Variants in AP3B2 observed in about 807,000 individuals in gnomAD.
The protein encoded by AP3B2 is AP-3 complex subunit beta-2.
In AP3B2, 50 loss-of-function variants were observed where a neutral mutation model predicts 126.9. The observed-to-expected ratio is 0.39, with a 90% CI of 0.31 to 0.50. The LOEUF (loss-of-function observed/expected upper bound fraction) is 0.50. AP3B2 is among the 20% of genes least tolerant of loss of function. AP3B2 has a pLI of 0.79. For missense variants in AP3B2, 1,177 were observed against 1,426.4 expected (o/e 0.83, Z 2.82); for synonymous variants, 541 against 565.0 (o/e 0.96, Z 0.60).
Position 82,664,838 on chromosome 15 carries a change from T to C in AP3B2, c.2134A>G (p.Ser712Gly). ...CCCAGCTCTGCCATCTGCTCACCACTGTCTGCGGACTCCGTGGGGCCTGAC... is the reference window on the plus strand; with the variant it reads ...CCCAGCTCTGCCATCTGCTCACCACCGTCTGCGGACTCCGTGGGGCCTGAC... ...GESGPTESAD[S>G]DPESESESDS... Residue 712 changes from serine to glycine, a missense_variant, in exon 18 of 27, where the codon AGT (serine) becomes GGT (glycine). Around this residue, in one of 5 missense-constraint regions of AP3B2, gnomAD observed 587 missense variants for 571.3 expected, o/e 1.03. Coordinates refer to ENST00000535359, the MANE Select transcript of AP3B2 (RefSeq NM_001278512.2). The surrounding 1 kb of genome is among the most constrained non-coding windows in gnomAD (Gnocchi z 4.5). The C allele has an allele frequency of 6.3e-7, 1 of 1,589,510 alleles. No homozygotes were observed. The highest frequency in any genetic ancestry group is 8.6e-7 in the Non-Finnish European group (1 of 1,166,918).
chr15:82,691,178 T>A (rs1301940098), intron 1 of AP3B2, among the ~76,000 whole-genome samples: 1 of 152,204 alleles, frequency 6.6e-6, no homozygotes, highest in Non-Finnish European at 1.5e-5. Context: ...CCTTGAGGAA[T>A]CGCCACACTG....
Position 82,664,769 on chromosome 15 carries a change from T to C in AP3B2, c.2137+66A>G. 2 of 1,261,666 alleles carry C rather than the reference T, an allele frequency of 1.6e-6. No homozygotes were observed. The highest frequency in any genetic ancestry group is 4.0e-5 in the Admixed American group (2 of 49,570). 78.2% of individuals were successfully genotyped at this position (1,261,666 alleles called of 1,614,324 possible). A position where few individuals can be genotyped will look rare whatever the true frequency, so the allele number is the denominator to read the frequency against. Reference sequence around the variant, plus strand: ...ACACACAACCATATACATATACCCCTCATATAGTCAGTCACACAGATGCAT... The same window carrying C: ...ACACACAACCATATACATATACCCCCCATATAGTCAGTCACACAGATGCAT... On this transcript the variant is annotated intron_variant, in intron 18 of 26. Transcript: ENST00000535359. This position sits in a 1 kb window ranked among gnomAD's most constrained non-coding sequence, Gnocchi z 4.5.
chr15:82,689,348 C>G, intron 2 of AP3B2, 30 bp downstream of exon 2: 2 of 1,612,736 alleles, frequency 1.2e-6, no homozygotes, highest in Non-Finnish European at 1.7e-6. Flanking sequence ...AGGCCCCGCC[C>G]GGAGGGAGGC....
Position 82,661,805 on chromosome 15 carries a change from C to A in AP3B2, c.3016+20G>T, listed in dbSNP as rs978276769. On this transcript the variant is annotated intron_variant, in intron 25 of 26. Transcript: ENST00000535359. Reference sequence around the variant, plus strand: ...CAGCTTCTATACTTCCCTCTCTGCCCACTCCCAGGGAGCACTCACCCTGTT... The same window carrying A: ...CAGCTTCTATACTTCCCTCTCTGCCAACTCCCAGGGAGCACTCACCCTGTT... 1.9e-6 allele frequency: 3 copies of A among 1,594,462 alleles called. No homozygotes were observed. Among genetic ancestry groups the A allele is most frequent in the Admixed American group, 3.4e-5 (2 of 58,296 alleles).
chr15:82,689,070 G>C (rs933795874), intron 3 of AP3B2, 88 bp downstream of exon 3: 14 of 1,481,620 alleles, frequency 9.4e-6, no homozygotes, highest in East Asian at 2.3e-5. Flanking sequence ...GGGCCCCCAG[G>C]GGCTAAATCA....
chr15:82,693,303 A>G (rs2048577103), intron 1 of AP3B2, among the ~76,000 whole-genome samples: 1 of 150,458 alleles, frequency 6.6e-6, no homozygotes, highest in Admixed American at 6.7e-5. Context: ...CTGGAGTGCA[A>G]TGGCACGATC....
At chr15:82,693,016 A>C (rs1255103513) in intron 1 of AP3B2, among the ~76,000 whole-genome samples, 4 of 152,100 alleles carry the variant, frequency 2.6e-5, no homozygotes, top group Non-Finnish European at 4.4e-5. Flanking sequence ...TTTTGGGAAA[A>C]GAAGGAAACA....
intron 1 of AP3B2, among the ~76,000 whole-genome samples, chr15:82,693,664 A>G (rs886110033): frequency 6.6e-6 from 1 of 152,148 alleles, no homozygotes; most frequent in Admixed American, 6.5e-5. Context: ...TAAGGTCATA[A>G]AATTATTAGC....
rs746344194 is a variant in AP3B2, at chr15:82,663,918, T to G, written c.2319A>C (p.Lys773Asn). Residue 773 changes from lysine to asparagine, a missense_variant, in exon 20 of 27, where the codon AAA becomes AAC. Physicochemically the swap from Lys to Asn is moderately conservative, Grantham distance 94. Coordinates refer to ENST00000535359, the MANE Select transcript of AP3B2 (RefSeq NM_001278512.2). ...RKTKKKVPER[K>N]GEASSSDEGS... ...CCTCATCAGAGGATGACGCTTCTCC[T>G]TTTCTCTCTGGCACCTTCTTCTTTG... is the stretch of plus-strand genomic sequence containing the variant. 101 of 1,611,896 alleles carry G rather than the reference T, an allele frequency of 6.3e-5. No homozygotes were observed. The highest frequency in any genetic ancestry group is 8.4e-5 in the Non-Finnish European group (99 of 1,179,844).
At position 82,664,443 on chromosome 15, in the gene AP3B2, C is replaced by T. The variant is rs377674537; in HGVS notation, c.2185G>A (p.Gly729Ser). The T allele has an allele frequency of 4.7e-5, 76 of 1,613,800 alleles. No homozygotes were observed. Among genetic ancestry groups the T allele is most frequent in the Non-Finnish European group, 5.8e-5 (69 of 1,179,868 alleles). ...GACTCACTGCTGGACTCCCCAGAGCCGCTCTCACTGCTGCTCTTACTGTCC... is the reference window on the plus strand; with the variant it reads ...GACTCACTGCTGGACTCCCCAGAGCTGCTCTCACTGCTGCTCTTACTGTCC... ...ESDSKSSSESGSGESSSESDN... is the reference protein window; with the variant it reads ...ESDSKSSSESSSGESSSESDN... Residue 729 changes from glycine to serine, a missense_variant, in exon 19 of 27, where the codon GGC (glycine) becomes AGC (serine). By Grantham distance (56) the Gly-to-Ser change is moderately conservative. Coordinates refer to ENST00000535359, the MANE Select transcript of AP3B2 (RefSeq NM_001278512.2). The surrounding 1 kb of genome is among the most constrained non-coding windows in gnomAD (Gnocchi z 4.5).
chr15:82,666,337 T>C (rs1242729597), intron 15 of AP3B2, among the ~76,000 whole-genome samples: 1 of 152,258 alleles, frequency 6.6e-6, no homozygotes, highest in Non-Finnish European at 1.5e-5. Flanking sequence ...GCTCACAGAA[T>C]GCAGGCAACT....
At chr15:82,663,362 C>G (rs559118403) in intron 21 of AP3B2, 129 bp from the exon 22 acceptor site, 2 of 979,250 alleles carry the variant, frequency 2.0e-6, no homozygotes, top group East Asian at 2.6e-5. Context: ...TGGAGGCTCT[C>G]GCAAAATACC....
intron 1 of AP3B2, among the ~76,000 whole-genome samples, chr15:82,707,871 T>C (rs2048821249): frequency 6.6e-6 from 1 of 152,170 alleles, no homozygotes; most frequent in African/African-American, 2.4e-5. Flanking sequence ...TCTCCCACTC[T>C]AGGTTCCCAC....
Position 82,669,128 on chromosome 15 carries a change from T to C in AP3B2, c.1666-2195A>G, listed in dbSNP as rs558412718. ...CTTGGGTATGGGCAAAACCTGAGACTTGCTTCTAACCAACAGGATATGGCA... is the reference window on the plus strand; with the variant it reads ...CTTGGGTATGGGCAAAACCTGAGACCTGCTTCTAACCAACAGGATATGGCA... On this transcript the variant is annotated intron_variant, in intron 14 of 26. Transcript: ENST00000535359. Among the ~76,000 whole-genome samples, 8 of 152,310 alleles carry C rather than the reference T, an allele frequency of 5.3e-5. No individual in the cohort carries two copies. In the East Asian group the frequency reaches 1.5e-3, roughly 29 times the overall value.
chr15:82,691,591 TTTTTTCTTCTTTAAAAAAAA>T, intron 1 of AP3B2: 1 of 680,494 alleles, frequency 1.5e-6, no homozygotes, highest in East Asian at 3.7e-5. Context: ...TATGTAGTTT[TTTTTTCTTCTTTAAAAAAAA>T]AAAATTAAAA....
intron 14 of AP3B2, among the ~76,000 whole-genome samples, chr15:82,667,362 AAGAC>A (rs1247436874): frequency 5.9e-5 from 9 of 152,296 alleles, no homozygotes; most frequent in African/African-American, 9.6e-5. Context: ...AGACAACAAA[AAGAC>A]AGGGCAGATA....
At position 82,665,333 on chromosome 15, in the gene AP3B2, G is replaced by T; in HGVS notation, c.1972-30C>A. 1.3e-6 allele frequency: 2 copies of T among 1,584,598 alleles called. No individual in the cohort carries two copies. The highest frequency in any genetic ancestry group is 2.3e-5 in the East Asian group (1 of 43,912). The stretch of plus-strand genomic sequence containing the variant: ...GTGTGTGGGGGAGGGTGTTAGGAGG[G>T]CTGGGCCGGCACTGCCAGGGCTCCC... On this transcript the variant is annotated intron_variant, in intron 16 of 26. Transcript: ENST00000535359. The surrounding 1 kb of genome is among the most constrained non-coding windows in gnomAD (Gnocchi z 4.4).
At chr15:82,682,744 T>G (rs898355221) in intron 4 of AP3B2, among the ~76,000 whole-genome samples, 3 of 151,952 alleles carry the variant, frequency 2.0e-5, no homozygotes, top group African/African-American at 7.2e-5. Context: ...AAAGTTATGT[T>G]TACAATATAC....
chr15:82,678,301 G>A, intron 10 of AP3B2, 134 bp from the exon 11 acceptor site: 3 of 885,576 alleles, frequency 3.4e-6, no homozygotes, highest in Admixed American at 2.1e-5. Flanking sequence ...ACTGATGAGG[G>A]AATTGACAGG....
Sources: gnomAD v4.1 joint callset for allele counts (sites outside exome capture counted in the v4.1 genomes callset) on GRCh38, gnomAD v4.1.1 for gene constraint, gnomAD v4.1.1 regional missense constraint, Gnocchi (gnomAD v3.1) non-coding constraint, MANE v1.5 for transcripts, NCBI Gene and HGNC (gene_info 2026-07-23, HGNC 2026-07-21) for gene names.